Variants in UBASH3B observed in about 807,000 individuals in gnomAD.
The protein encoded by UBASH3B is ubiquitin associated and SH3 domain containing B.
In UBASH3B, 37 loss-of-function variants were observed where a neutral mutation model predicts 83.4. The observed-to-expected ratio is 0.44, with a 90% CI of 0.34 to 0.58. The LOEUF is 0.58. Among genes scored for constraint, UBASH3B ranks in the 20% least tolerant of loss-of-function variants. The pLI is 0.01. For synonymous variants in UBASH3B, 304 were observed against 318.3 expected, an observed-to-expected ratio of 0.96 and a Z score of 0.48; for missense variants, 657 against 827.2, an observed-to-expected ratio of 0.79 and a Z score of 2.52.
At chr11:122,749,031 T>A (rs1540110) in intron 1 of UBASH3B, among the ~76,000 whole-genome samples, 5 of 152,274 alleles carry the variant, frequency 3.3e-5, no homozygotes. Flanking sequence ...TATGTTCTCC[T>A]GGACCTGGAG....
Position 122,806,655 on chromosome 11 carries a change from C to T in UBASH3B, c.1702+139C>T. 1.6e-6 allele frequency: 2 copies of T among 1,249,800 alleles called. No homozygotes were observed. The highest frequency in any genetic ancestry group is 2.1e-6 in the Non-Finnish European group (2 of 961,490). The allele number at this position is 1,249,800 out of a possible 1,614,324, so 77.4% of individuals were successfully genotyped here. ...CCAGATTTTCTTCCAGATACTTTTACATTAAATTTGTAATATTCTCTGAGT... is the reference window on the plus strand; with the variant it reads ...CCAGATTTTCTTCCAGATACTTTTATATTAAATTTGTAATATTCTCTGAGT... On this transcript the variant is annotated intron_variant, in intron 12 of 13. Coordinates refer to ENST00000284273, the MANE Select transcript of UBASH3B (RefSeq NM_032873.5). The surrounding 1 kb of genome is among the most constrained non-coding windows in gnomAD (Gnocchi z 4.0).
At chr11:122,704,663 C>A (rs1325971392) in intron 1 of UBASH3B, among the ~76,000 whole-genome samples, 1 of 152,024 alleles carries the variant, frequency 6.6e-6, no homozygotes, top group Non-Finnish European at 1.5e-5. Context: ...GCACGCACCA[C>A]CATGCCTGGC....
At position 122,809,754 on chromosome 11, in the gene UBASH3B, A is replaced by G. The variant is rs1342965195; in HGVS notation, c.1818A>G (p.Pro606=). ...KDFVQMVRKI[P]YLGFCSCEEL... The stretch of plus-strand genomic sequence containing the variant: ...CTTTACGACTCTTACTTCAGATCCC[A>G]TATCTGGGATTTTGTTCCTGTGAAG... The change falls in exon 14 of 14, where the codon CCA becomes CCG. Residue 606 remains proline, a synonymous_variant. Transcript: ENST00000284273. 1.2e-6 allele frequency: 2 copies of G among 1,614,166 alleles called. No individual in the cohort carries two copies. The highest frequency in any genetic ancestry group is 2.2e-5 in the East Asian group (1 of 44,876).
At chr11:122,686,503 C>T (rs1035548395) in intron 1 of UBASH3B, among the ~76,000 whole-genome samples, 2 of 152,148 alleles carry the variant, frequency 1.3e-5, no homozygotes, top group African/African-American at 4.8e-5. Context: ...GGAGATGGTA[C>T]TGAGATGGTC....
At chr11:122,722,926 C>T (rs1198931593) in intron 1 of UBASH3B, among the ~76,000 whole-genome samples, 4 of 152,072 alleles carry the variant, frequency 2.6e-5, no homozygotes, top group Admixed American at 2.6e-4. Context: ...AGGATGGTCT[C>T]GATCTCCTGA....
At chr11:122,683,689 C>A (rs1489003545) in intron 1 of UBASH3B, among the ~76,000 whole-genome samples, 1 of 150,490 alleles carries the variant, frequency 6.6e-6, no homozygotes, top group Non-Finnish European at 1.5e-5. Flanking sequence ...TTAATATTAT[C>A]AAATATCTAG....
intron 4 of UBASH3B, among the ~76,000 whole-genome samples, chr11:122,781,529 A>C (rs1050505778): frequency 2.6e-5 from 4 of 152,166 alleles, no homozygotes; most frequent in African/African-American, 9.7e-5. Flanking sequence ...GGTGGAGCCA[A>C]TTCCTCTCCA....
At chr11:122,767,678 G>C (rs1200983675) in intron 1 of UBASH3B, among the ~76,000 whole-genome samples, 1 of 152,188 alleles carries the variant, frequency 6.6e-6, no homozygotes, top group Non-Finnish European at 1.5e-5. Flanking sequence ...TTACCACAGA[G>C]AGGCAAGCTC....
At chr11:122,767,688 C>T (rs1051783939) in intron 1 of UBASH3B, among the ~76,000 whole-genome samples, 20 of 152,148 alleles carry the variant, frequency 1.3e-4, no homozygotes, top group Admixed American at 1.2e-3. Flanking sequence ...GAGGCAAGCT[C>T]GCTTTTCCCA....
chr11:122,656,576 C>A (rs1863367185), intron 1 of UBASH3B, among the ~76,000 whole-genome samples: 1 of 152,194 alleles, frequency 6.6e-6, no homozygotes, highest in Non-Finnish European at 1.5e-5. Context: ...GGAGGCGGGG[C>A]CCTGCGGAGG....
chr11:122,743,102 G>A (rs576804481), intron 1 of UBASH3B, among the ~76,000 whole-genome samples: 108 of 152,268 alleles, frequency 7.1e-4, no homozygotes, highest in African/African-American at 2.2e-3. Flanking sequence ...TGCTGTGGCC[G>A]TTCTGAGGTA....
At position 122,762,091 on chromosome 11, in the gene UBASH3B, C is replaced by T. The variant is rs185251209; in HGVS notation, c.162-14128C>T. On this transcript the variant is annotated intron_variant, in intron 1 of 13. Coordinates refer to ENST00000284273, the MANE Select transcript of UBASH3B (RefSeq NM_032873.5). ...ACAGGCGTGAGCCACCGCGCCTGGCCGGTTTTCGCCATTACCGTCAATGGC... is the reference window on the plus strand; with the variant it reads ...ACAGGCGTGAGCCACCGCGCCTGGCTGGTTTTCGCCATTACCGTCAATGGC... Among the ~76,000 whole-genome samples the T allele has an allele frequency of 1.1e-3, 166 of 152,194 alleles. 1 individual carries two copies. Among genetic ancestry groups the T allele is most frequent in the Non-Finnish European group, 1.9e-3 (131 of 67,994 alleles).
rs1864223491 is a variant in UBASH3B at position 122,713,191 on chromosome 11, G to A, written c.161+56981G>A. ...CAAAGTACTGGGATTACAGGCGTGA[G>A]CCACTGCACCCGGCCCAGTGTTCCT... On this transcript the variant is annotated intron_variant, in intron 1 of 13. Coordinates refer to ENST00000284273, the MANE Select transcript of UBASH3B (RefSeq NM_032873.5). Among the ~76,000 whole-genome samples the A allele has an allele frequency of 3.3e-5, 5 of 152,256 alleles. No individual in the cohort carries two copies. In the South Asian group the frequency reaches 1.0e-3, roughly 32 times the overall value.
chr11:122,692,750 G>A (rs959821167), intron 1 of UBASH3B, among the ~76,000 whole-genome samples: 1 of 152,234 alleles, frequency 6.6e-6, no homozygotes, highest in Non-Finnish European at 1.5e-5. Flanking sequence ...TATCTATGGA[G>A]TGTCAACTAA....
chr11:122,804,400 C>T lies in UBASH3B; in HGVS notation c.1596-2010C>T, dbSNP rs555545865. On this transcript the variant is annotated intron_variant, in intron 11 of 13. Coordinates refer to ENST00000284273, the MANE Select transcript of UBASH3B (RefSeq NM_032873.5). ...ATGGGCAAGTTTCCTTCAAGTGGAA[C>T]GGCATCCTTCCCCTGGACAGTAAGC... Among the ~76,000 whole-genome samples, 15 of 152,220 alleles carry T rather than the reference C, an allele frequency of 9.9e-5. No individual in the cohort carries two copies. In the South Asian group the frequency reaches 2.1e-3, roughly 21 times the overall value.
intron 1 of UBASH3B, among the ~76,000 whole-genome samples, chr11:122,704,534 G>C (rs1864090271): frequency 6.6e-6 from 1 of 151,466 alleles, no homozygotes; most frequent in Non-Finnish European, 1.5e-5. Context: ...TTTTGAGACT[G>C]AGCCTCACTC....
intron 1 of UBASH3B, among the ~76,000 whole-genome samples, chr11:122,681,064 G>A (rs1283488075): frequency 6.6e-6 from 1 of 152,132 alleles, no homozygotes; most frequent in Non-Finnish European, 1.5e-5. Context: ...TAGATTAGGT[G>A]CTATTCCATA....
rs549697760 is a variant in UBASH3B, at chr11:122,794,458, C to T, written c.981-244C>T. Among the ~76,000 whole-genome samples the T allele has an allele frequency of 5.3e-5, 8 of 152,224 alleles. No individual in the cohort carries two copies. In the East Asian group the frequency reaches 1.2e-3, roughly 22 times the overall value. On this transcript the variant is annotated intron_variant, in intron 6 of 13. Coordinates refer to ENST00000284273, the MANE Select transcript of UBASH3B (RefSeq NM_032873.5). ...CTGACCTCAGGTGATCCGCCTGCCT[C>T]GGCGTCCCAAAGTGCAGGTGTGATC...
intron 5 of UBASH3B, among the ~76,000 whole-genome samples, chr11:122,784,005 A>C (rs1334643027): frequency 6.7e-6 from 1 of 149,888 alleles, no homozygotes; most frequent in East Asian, 2.0e-4. Flanking sequence ...CAATGGCACG[A>C]TCTTGGCTCA....
Sources: allele counts gnomAD v4.1 joint callset (sites outside exome capture counted in the v4.1 genomes callset), GRCh38; gene constraint gnomAD v4.1.1; non-coding constraint Gnocchi (gnomAD v3.1); transcripts MANE v1.5; gene names NCBI Gene and HGNC (gene_info 2026-07-23, HGNC 2026-07-21).